The following ULK4 variants were observed in gnomAD, a reference collection of about 807,000 sequenced individuals.
ULK4 encodes unc-51 like kinase 4.
ULK4 carries 133 observed loss-of-function variants against 160.6 expected under a neutral mutation model. The ratio of observed to expected loss-of-function variants is 0.83; its 90% CI spans 0.72 to 0.96. ULK4 has a LOEUF of 0.96. ULK4 is among the 40% of genes least tolerant of loss of function. The pLI, the probability that ULK4 is intolerant of heterozygous loss-of-function variation, is 0.00. For missense variants in ULK4, 1,580 were observed against 1,499.5 expected (o/e 1.05, Z -0.89); for synonymous variants, 534 against 539.8 (o/e 0.99, Z 0.15).
chr3:41,385,505 C>T lies in ULK4; in HGVS notation c.3678+12574G>A, dbSNP rs934733636. Among the ~76,000 whole-genome samples, 3 of 152,008 alleles carry T rather than the reference C, an allele frequency of 2.0e-5. No homozygotes were observed. In the East Asian group the frequency reaches 5.8e-4, roughly 29 times the overall value. ...AAAATAGGAAGGGAAGGCAACTAGC[C>T]TGGGCAACAGAGTGAAATTATGTCT... On this transcript the variant is annotated intron_variant, in intron 35 of 36. Transcript: ENST00000301831.
intron 31 of ULK4, among the ~76,000 whole-genome samples, chr3:41,602,291 GAA>G (rs1491252792): frequency 1.3e-4 from 16 of 126,500 alleles, no homozygotes; most frequent in East Asian, 2.5e-4. Flanking sequence ...GAAAGGAAAG[GAA>G]AGGAAAGGAA....
rs900115777 is a variant in ULK4, at chr3:41,501,027, C to T, written c.3227-37774G>A. Reference sequence around the variant, plus strand: ...AGCTCAACATCAATAGACCTCAGGGCGATACAAATTAAGACCATAATGAGA... The same window carrying T: ...AGCTCAACATCAATAGACCTCAGGGTGATACAAATTAAGACCATAATGAGA... On this transcript the variant is annotated intron_variant, in intron 32 of 36. Coordinates refer to ENST00000301831, the MANE Select transcript of ULK4 (RefSeq NM_017886.4). Among the ~76,000 whole-genome samples, 6 of 152,100 alleles carry T rather than the reference C, an allele frequency of 3.9e-5. No homozygotes were observed. The East Asian group carries it at 1.2e-3, about 29-fold the overall frequency.
At chr3:41,504,967 A>G (rs1229838679) in intron 32 of ULK4, among the ~76,000 whole-genome samples, 1 of 152,154 alleles carries the variant, frequency 6.6e-6, no homozygotes, top group African/African-American at 2.4e-5. Context: ...CAAGCATAAT[A>G]TTATCCCCAT....
At chr3:41,946,807 G>A (rs1700125880) in intron 2 of ULK4, among the ~76,000 whole-genome samples, 1 of 152,140 alleles carries the variant, frequency 6.6e-6, no homozygotes, top group African/African-American at 2.4e-5. Flanking sequence ...ACAGGAGAGG[G>A]TGGCATTTGT....
At chr3:41,544,928 G>A (rs2086808307) in intron 32 of ULK4, among the ~76,000 whole-genome samples, 1 of 152,178 alleles carries the variant, frequency 6.6e-6, no homozygotes, top group African/African-American at 2.4e-5. Context: ...TGAAAGAGAG[G>A]ACGGGGTCAG....
chr3:41,954,570 T>TA, intron 2 of ULK4, 52 bp downstream of exon 2: 1 of 1,567,050 alleles, frequency 6.4e-7, no homozygotes, highest in Admixed American at 1.9e-5. Flanking sequence ...TACCCCCTTC[T>TA]ACCTATTGTA....
intron 19 of ULK4, among the ~76,000 whole-genome samples, chr3:41,802,524 C>G (rs1425053078): frequency 6.6e-6 from 1 of 152,114 alleles, no homozygotes; most frequent in Non-Finnish European, 1.5e-5. Context: ...AACTCGAACT[C>G]CTTGTCCCAA....
chr3:41,801,388 G>T (rs1179516361), intron 19 of ULK4, among the ~76,000 whole-genome samples: 1 of 152,070 alleles, frequency 6.6e-6, no homozygotes, highest in Non-Finnish European at 1.5e-5. Context: ...TAATAAATGT[G>T]TAGTTGGAAA....
intron 18 of ULK4, among the ~76,000 whole-genome samples, chr3:41,820,990 C>T (rs1202688067): frequency 2.0e-5 from 3 of 152,070 alleles, no homozygotes; most frequent in Non-Finnish European, 4.4e-5. Context: ...ACTTTCTTTC[C>T]TTCCCTTATT....
chr3:41,255,157 C>CACACACACAG, intron 35 of ULK4, among the ~76,000 whole-genome samples: 1 of 150,962 alleles, frequency 6.6e-6, no homozygotes, highest in Admixed American at 6.6e-5. Flanking sequence ...CACACACACA[C>CACACACACAG]ACAGTACTTA....
At chr3:41,770,522 T>C (rs2039317915) in intron 21 of ULK4, among the ~76,000 whole-genome samples, 1 of 151,556 alleles carries the variant, frequency 6.6e-6, no homozygotes, top group South Asian at 2.1e-4. Context: ...TTTTTTTTTT[T>C]TTTTTGAGAC....
chr3:41,636,506 C>A (rs1350600808), intron 30 of ULK4, among the ~76,000 whole-genome samples: 1 of 151,062 alleles, frequency 6.6e-6, no homozygotes, highest in African/African-American at 2.4e-5. Flanking sequence ...TGCACTCTAG[C>A]CTGGTCGACA....
intron 33 of ULK4, among the ~76,000 whole-genome samples, chr3:41,457,047 A>G (rs561999356): frequency 6.6e-5 from 10 of 152,322 alleles, no homozygotes; most frequent in African/African-American, 2.4e-4. Context: ...GTCAGGAAAC[A>G]AATGTGCGGC....
chr3:41,941,049 T>C (rs1699936702), intron 2 of ULK4, among the ~76,000 whole-genome samples: 1 of 151,938 alleles, frequency 6.6e-6, no homozygotes, highest in Non-Finnish European at 1.5e-5. Context: ...TTTTTTTTTT[T>C]TTTGAAACAA....
chr3:41,410,103 T>C lies in ULK4; in HGVS notation c.3493-11839A>G, dbSNP rs368362731. Among the ~76,000 whole-genome samples the C allele has an allele frequency of 2.5e-4, 38 of 152,268 alleles. No homozygotes were observed. In the South Asian group the frequency reaches 7.9e-3, roughly 32 times the overall value. On this transcript the variant is annotated intron_variant, in intron 34 of 36. Coordinates refer to ENST00000301831, the MANE Select transcript of ULK4 (RefSeq NM_017886.4). Reference sequence around the variant, plus strand: ...CCTCATATACTGCTAGTGGAAATGTTAATGGTGGAGGCACTCTGGAAACCA... The same window carrying C: ...CCTCATATACTGCTAGTGGAAATGTCAATGGTGGAGGCACTCTGGAAACCA...
chr3:41,728,202 C>G (rs1476844551), intron 22 of ULK4, among the ~76,000 whole-genome samples: 1 of 152,160 alleles, frequency 6.6e-6, no homozygotes, highest in Non-Finnish European at 1.5e-5. Context: ...CTTGGTCCAT[C>G]TGTGTCACTA....
At chr3:41,711,306 G>T (rs1283562739) in intron 25 of ULK4, among the ~76,000 whole-genome samples, 1 of 152,070 alleles carries the variant, frequency 6.6e-6, no homozygotes, top group Non-Finnish European at 1.5e-5. Context: ...GTTTCAGCAG[G>T]GGAGCAAAAA....
rs368092312 is a variant in ULK4, at chr3:41,835,888, C to A, written c.1740G>T (p.Glu580Asp). ...LKQCLLPTLG[E>D]LIYLVATQEE... ...CCTGGGTGGCTACAAGATAGATCAG[C>A]TCCCCAAGGGTTGGTAAAAGGCACT... Residue 580 changes from glutamate to aspartate, a missense_variant, in exon 18 of 37, where the codon GAG becomes GAT. Glu to Asp is a conservative substitution (Grantham distance 45). Coordinates refer to ENST00000301831, the MANE Select transcript of ULK4 (RefSeq NM_017886.4). 8 of 1,612,742 alleles carry A rather than the reference C, an allele frequency of 5.0e-6. No homozygotes were observed. Among genetic ancestry groups the A allele is most frequent in the South Asian group, 2.2e-5 (2 of 90,896 alleles).
At chr3:41,563,330 T>C (rs985774180) in intron 32 of ULK4, among the ~76,000 whole-genome samples, 20 of 152,184 alleles carry the variant, frequency 1.3e-4, no homozygotes, top group Non-Finnish European at 2.8e-4. Context: ...CTGACAATTA[T>C]GTGTCTTGGG....
Sources: gnomAD v4.1 joint callset for allele counts (sites outside exome capture counted in the v4.1 genomes callset) on GRCh38, gnomAD v4.1.1 for gene constraint, MANE v1.5 for transcripts, NCBI Gene and HGNC (gene_info 2026-07-23, HGNC 2026-07-21) for gene names.